Variants in CLDN19 observed in about 807,000 individuals in gnomAD.
CLDN19 encodes claudin-19.
CLDN19 carries 19 observed loss-of-function variants against 24.5 expected under a neutral mutation model. That is an observed-to-expected ratio of 0.78 (90% confidence interval 0.54 to 1.14). CLDN19 has a LOEUF of 1.14. Ranked by LOEUF, CLDN19 falls within the 50% of genes most tolerant of loss-of-function variation. The pLI is 0.00. For missense variants in CLDN19, 250 were observed against 295.9 expected, an observed-to-expected ratio of 0.84 and a Z score of 1.14; for synonymous variants, 117 against 129.6, an observed-to-expected ratio of 0.90 and a Z score of 0.66.
intron 3 of CLDN19, among the ~76,000 whole-genome samples, chr1:42,736,786 T>TC (rs1416362132): frequency 6.6e-6 from 1 of 152,238 alleles, no homozygotes; most frequent in East Asian, 1.9e-4. Flanking sequence ...GACAGAGCCA[T>TC]CAGTGTCCCC....
In CLDN19 at chr1:42,735,109, C is replaced by T. The variant is rs535667246; in HGVS notation, c.652G>A (p.Ala218Thr). 5.1e-5 allele frequency: 82 copies of T among 1,613,856 alleles called. No homozygotes were observed. The highest frequency in any genetic ancestry group is 3.1e-4 in the East Asian group (14 of 44,884). ...CATTACACACCCAGGGGGCCCTTGGCGGAGGCGGGCAATTTAACAACTGGT... is the reference window on the plus strand; with the variant it reads ...CATTACACACCCAGGGGGCCCTTGGTGGAGGCGGGCAATTTAACAACTGGT... ...REPVVKLPAS[A>T]KGPLGV is the part of the protein sequence containing the mutation. The change falls in exon 5 of 5, where the codon GCC becomes ACC. Residue 218 changes from alanine (A) to threonine (T), a missense_variant. Coordinates refer to ENST00000296387, the MANE Select transcript of CLDN19 (RefSeq NM_148960.3).
rs1651357109 is a variant in CLDN19 at position 42,735,964 on chromosome 1, G to A, written c.540C>T (p.Ser180=). The change falls in exon 4 of 5, where the codon TCC becomes TCT. Residue 180 remains serine, a synonymous_variant. Transcript: ENST00000296387. ...GCTCCGGGCATGTGCAGCAGAGGAA[G>A]GAGCCGCCCAGCACGGCCAGGCCAG... ...ASAGLAVLGG[S]FLCCTCPEPE... The A allele has an allele frequency of 6.3e-7, 1 of 1,576,548 alleles. No homozygotes were observed. The highest frequency in any genetic ancestry group is 8.6e-7 in the Non-Finnish European group (1 of 1,161,520).
intron 3 of CLDN19, among the ~76,000 whole-genome samples, chr1:42,737,726 A>G (rs552032086): frequency 1.3e-5 from 2 of 152,352 alleles, no homozygotes; most frequent in East Asian, 3.9e-4. Flanking sequence ...TCTGTCACCC[A>G]GACTGGAGTG....
At chr1:42,735,552 C>G in intron 4 of CLDN19, 1 of 1,420,510 alleles carries the variant, frequency 7.0e-7, no homozygotes, top group Non-Finnish European at 9.2e-7. Context: ...CCAAGCAGCT[C>G]TTCAGTGAGT....
Position 42,735,247 on chromosome 1 carries a change from C to T in CLDN19, c.627-113G>A. ...CTGGCCAGCGTGGCCAGACCTTGGCCCTCACAGCAGCCCTGCCTGGGGCCC... is the reference window on the plus strand; with the variant it reads ...CTGGCCAGCGTGGCCAGACCTTGGCTCTCACAGCAGCCCTGCCTGGGGCCC... On this transcript the variant is annotated intron_variant, in intron 4 of 4. Transcript: ENST00000296387. The T allele has an allele frequency of 2.6e-6, 4 of 1,563,366 alleles. No homozygotes were observed. In the South Asian group the frequency reaches 4.7e-5, roughly 18 times the overall value.
chr1:42,735,621 G>A (rs1651338833), intron 4 of CLDN19: 4 of 1,428,614 alleles, frequency 2.8e-6, no homozygotes, highest in Non-Finnish European at 3.7e-6. Flanking sequence ...GTGCCCACCA[G>A]GCTGTGCAGA....
chr1:42,738,701 G>A, intron 1 of CLDN19, 116 bp from the exon 2 acceptor site: 1 of 923,676 alleles, frequency 1.1e-6, no homozygotes, highest in Non-Finnish European at 1.7e-6. Context: ...CTGGCCTGGG[G>A]GGTCAGACCA....
chr1:42,738,878 T>C lies in CLDN19; in HGVS notation c.224-293A>G, dbSNP rs575331908. ...GCTTTCTGGCCTGGGGACTCCCTCT[T>C]GGGCTTGGCCCATCCTCCCAAGCAG... On this transcript the variant is annotated intron_variant, in intron 1 of 4. Transcript: ENST00000296387. Among the ~76,000 whole-genome samples the C allele has an allele frequency of 3.9e-3, 589 of 152,248 alleles. 4 individuals carry two copies. The highest frequency in any genetic ancestry group is 5.1e-3 in the Non-Finnish European group (349 of 67,986).
chr1:42,738,087 C>T, intron 3 of CLDN19, 142 bp downstream of exon 3: 1 of 785,480 alleles, frequency 1.3e-6, no homozygotes, highest in Non-Finnish European at 2.2e-6. Flanking sequence ...AGGGCCCCAC[C>T]ACACTCCTCC....
rs115864005 is a variant in CLDN19 at position 42,735,418 on chromosome 1, G to A, written c.627-284C>T. On this transcript the variant is annotated intron_variant, in intron 4 of 4. Transcript: ENST00000296387. ...TTCAGCATCCCGGCACTGCCCTTGTGGGGTTGCTGTGAGGAGCCCATGGGA... is the reference window on the plus strand; with the variant it reads ...TTCAGCATCCCGGCACTGCCCTTGTAGGGTTGCTGTGAGGAGCCCATGGGA... The A allele has an allele frequency of 5.7e-4, 815 of 1,421,010 alleles. 3 individuals carry two copies. In the African/African-American group the frequency reaches 0.011, roughly 19 times the overall value. The allele number at this position is 1,421,010 out of a possible 1,614,324, so 88.0% of individuals were successfully genotyped here.
Position 42,735,116 on chromosome 1 carries a change from G to C in CLDN19, c.645C>G (p.Pro215=). Residue 215 remains proline, a synonymous_variant, in exon 5 of 5, where the codon CCC becomes CCG. Transcript: ENST00000296387. ...AAAREPVVKL[P]ASAKGPLGV ...CACCCAGGGGGCCCTTGGCGGAGGC[G>C]GGCAATTTAACAACTGGTCTGAAAG... The C allele has an allele frequency of 6.2e-7, 1 of 1,614,010 alleles. No individual in the cohort carries two copies. The highest frequency in any genetic ancestry group is 8.5e-7 in the Non-Finnish European group (1 of 1,179,910).
In CLDN19 at chr1:42,736,030, C is replaced by T. The variant is rs1651360381; in HGVS notation, c.474G>A (p.Arg158=). 7 of 1,569,058 alleles carry T rather than the reference C, an allele frequency of 4.5e-6. No homozygotes were observed. The highest frequency in any genetic ancestry group is 6.1e-6 in the Non-Finnish European group (7 of 1,156,120). Residue 158 remains arginine, a splice_region_variant and synonymous_variant, in exon 4 of 5, where the codon AGG becomes AGA. Transcript: ENST00000296387. The stretch of plus-strand genomic sequence containing the variant: ...CGAACAGGGCTGGGCCAAATTCATA[C>T]CTGCAAGGGGTAGGGAGAGTGGCAT... ...FFNPSTPVNA[R]YEFGPALFVG...
At chr1:42,738,151 C>T (rs1651431122) in intron 3 of CLDN19, 78 bp downstream of exon 3, 11 of 1,205,930 alleles carry the variant, frequency 9.1e-6, no homozygotes, top group Non-Finnish European at 1.4e-5. Flanking sequence ...TCCCCACTTC[C>T]CCCGCCAGGT....
chr1:42,735,370 C>T lies in CLDN19; in HGVS notation c.627-236G>A. On this transcript the variant is annotated intron_variant, in intron 4 of 4. Transcript: ENST00000296387. ...GAAGAACCTGAGACCTAAACTCAGA[C>T]CCTCCCTGTCCTTGTGTGAACGTTC... The T allele has an allele frequency of 3.5e-6, 5 of 1,435,792 alleles. No individual in the cohort carries two copies. In the South Asian group the frequency reaches 7.4e-5, roughly 21 times the overall value. 88.9% of individuals were successfully genotyped at this position (1,435,792 alleles called of 1,614,324 possible). A position where few individuals can be genotyped will look rare whatever the true frequency, so the allele number is the denominator to read the frequency against.
chr1:42,734,792 C>T lies in CLDN19; in HGVS notation c.*294G>A. ...ATCAAGGAGGACTTTGTGCCAAGGC[C>T]AAGGCCAGGCTTGGGAGGGGGGTCC... On this transcript the variant is annotated 3_prime_UTR_variant, in exon 5 of 5. Coordinates refer to ENST00000296387, the MANE Select transcript of CLDN19 (RefSeq NM_148960.3). 1 of 401,698 alleles carries T rather than the reference C, an allele frequency of 2.5e-6. No individual in the cohort carries two copies. The highest frequency in any genetic ancestry group is 4.0e-5 in the South Asian group (1 of 24,808). 24.9% of individuals were successfully genotyped at this position (401,698 alleles called of 1,614,324 possible). A position where few individuals can be genotyped will look rare whatever the true frequency, so the allele number is the denominator to read the frequency against.
Position 42,740,132 on chromosome 1 carries a change from C to A in CLDN19, c.-69G>T. On this transcript the variant is annotated 5_prime_UTR_variant, in exon 1 of 5. It removes an upstream start codon present in the reference 5' UTR. Coordinates refer to ENST00000296387, the MANE Select transcript of CLDN19 (RefSeq NM_148960.3). The stretch of plus-strand genomic sequence containing the variant: ...CCAGGGTGCCAGCAGGGGCTTTGGT[C>A]ATGGCCAGGTGGGAGGAGCAGCTGG... 1 of 1,244,070 alleles carries A rather than the reference C, an allele frequency of 8.0e-7. No individual in the cohort carries two copies. Among genetic ancestry groups the A allele is most frequent in the South Asian group, 1.3e-5 (1 of 77,772 alleles). The allele number at this position is 1,244,070 out of a possible 1,614,324, so 77.1% of individuals were successfully genotyped here.
chr1:42,738,187 C>T lies in CLDN19; in HGVS notation c.473+42G>A, dbSNP rs1367632433. 4.1e-6 allele frequency: 6 copies of T among 1,476,722 alleles called. No individual in the cohort carries two copies. The East Asian group carries it at 9.0e-5, about 22-fold the overall frequency. 91.5% of individuals were successfully genotyped at this position (1,476,722 alleles called of 1,614,324 possible). ...GATCCAGTGGACAAAGGTCAGTGGC[C>T]CCAGAGGAGGTAAAGCAAAAGACCC... On this transcript the variant is annotated intron_variant, in intron 3 of 4. Transcript: ENST00000296387.
intron 3 of CLDN19, among the ~76,000 whole-genome samples, chr1:42,737,251 A>G (rs1341641773): frequency 1.3e-5 from 2 of 151,914 alleles, no homozygotes; most frequent in Non-Finnish European, 2.9e-5. Flanking sequence ...TGTTGCCCCA[A>G]ACTCTCTGCT....
intron 1 of CLDN19, among the ~76,000 whole-genome samples, chr1:42,739,640 G>A (rs781167339): frequency 1.3e-5 from 2 of 152,208 alleles, no homozygotes; most frequent in African/African-American, 2.4e-5. Flanking sequence ...ACCCACAGCC[G>A]CCAGACCCTA....
Sources: gnomAD v4.1 joint callset for allele counts (sites outside exome capture counted in the v4.1 genomes callset) on GRCh38, gnomAD v4.1.1 for gene constraint, MANE v1.5 for transcripts, NCBI Gene and HGNC (gene_info 2026-07-23, HGNC 2026-07-21) for gene names.